Variants in JMY observed in about 807,000 individuals in gnomAD.
The protein encoded by JMY is junction mediating and regulatory protein, p53 cofactor.
In JMY, 46 loss-of-function variants were observed where a neutral mutation model predicts 103.3. The ratio of observed to expected loss-of-function variants is 0.45; its 90% CI spans 0.35 to 0.57. The LOEUF is 0.57. JMY is among the 20% of genes least tolerant of loss of function. The pLI is 0.00. For synonymous variants in JMY, 526 were observed against 489.3 expected (o/e 1.07, Z -0.99); for missense variants, 1,238 against 1,255.2 (o/e 0.99, Z 0.21).
intron 1 of JMY, among the ~76,000 whole-genome samples, chr5:79,258,104 G>A (rs979627273): frequency 1.3e-5 from 2 of 152,034 alleles, no homozygotes; most frequent in Non-Finnish European, 2.9e-5. Flanking sequence ...GAGTGTGTAT[G>A]TACATTTTAA....
chr5:79,290,841 C>G (rs1414884090), intron 3 of JMY, among the ~76,000 whole-genome samples: 1 of 152,060 alleles, frequency 6.6e-6, no homozygotes, highest in Non-Finnish European at 1.5e-5. Context: ...CAAAAATTAG[C>G]CGGGCATGGT....
intron 1 of JMY, among the ~76,000 whole-genome samples, chr5:79,260,137 G>A (rs112536103): frequency 0.013 from 1,956 of 152,316 alleles, 40 homozygotes; most frequent in African/African-American, 0.043. Flanking sequence ...TGAACCTGAC[G>A]CACCCAGGGC....
At chr5:79,251,678 C>A (rs1172207837) in intron 1 of JMY, among the ~76,000 whole-genome samples, 1 of 151,744 alleles carries the variant, frequency 6.6e-6, no homozygotes, top group Non-Finnish European at 1.5e-5. Context: ...AACTTCCTTC[C>A]TACCCTTCCC....
In JMY at chr5:79,311,376, A is replaced by C. The variant is rs1275199432; in HGVS notation, c.1969-1027A>C. ...GTTTATGATACAATCACCCAATGCA[A>C]ATGCAACAGTAATTCTCATTAGAAA... On this transcript the variant is annotated intron_variant, in intron 7 of 10. Coordinates refer to ENST00000396137, the MANE Select transcript of JMY (RefSeq NM_152405.5). Among the ~76,000 whole-genome samples, 9 of 152,140 alleles carry C rather than the reference A, an allele frequency of 5.9e-5. No individual in the cohort carries two copies. In the East Asian group the frequency reaches 1.7e-3, roughly 29 times the overall value.
intron 4 of JMY, among the ~76,000 whole-genome samples, chr5:79,293,016 T>C (rs1746467507): frequency 6.6e-6 from 1 of 152,160 alleles, no homozygotes; most frequent in Admixed American, 6.5e-5. Flanking sequence ...ACATTACTCA[T>C]GAGAAAGAGA....
At chr5:79,279,344 T>C (rs772064057) in intron 2 of JMY, among the ~76,000 whole-genome samples, 1 of 152,074 alleles carries the variant, frequency 6.6e-6, no homozygotes, top group African/African-American at 2.4e-5. Context: ...AAAAATAAAA[T>C]TAAATTTTTT....
chr5:79,259,787 T>G (rs1164948323), intron 1 of JMY, among the ~76,000 whole-genome samples: 1 of 152,144 alleles, frequency 6.6e-6, no homozygotes, highest in Non-Finnish European at 1.5e-5. Context: ...GTCCAGGCAG[T>G]GGGAGCAGAC....
intron 1 of JMY, among the ~76,000 whole-genome samples, chr5:79,242,751 A>G (rs1157656269): frequency 6.7e-6 from 1 of 149,010 alleles, no homozygotes; most frequent in African/African-American, 2.5e-5. Flanking sequence ...GGGGAGTGGT[A>G]TTATTTTAAA....
rs977955053 is a variant in JMY, at chr5:79,322,476, T to C, written c.*874T>C. On this transcript the variant is annotated 3_prime_UTR_variant, in exon 11 of 11. Transcript: ENST00000396137. ...TTGAGAATCAAAAATCAAGATTCAA[T>C]CATAGGGATGCAGATCTTAACTCTT... 2.0e-5 allele frequency: 3 copies of C among 152,212 alleles called. No homozygotes were observed. In the East Asian group the frequency reaches 5.8e-4, roughly 29 times the overall value. 9.4% of individuals were successfully genotyped at this position (152,212 alleles called of 1,614,324 possible).
intron 1 of JMY, among the ~76,000 whole-genome samples, chr5:79,244,649 T>C (rs1744834884): frequency 6.8e-6 from 1 of 147,114 alleles, no homozygotes; most frequent in Non-Finnish European, 1.5e-5. Flanking sequence ...GTTAAATGTA[T>C]GTGTGCCTAT....
Position 79,278,104 on chromosome 5 carries a change from ACT to A in JMY, c.1206+22_1206+23del, listed in dbSNP as rs755326098. ...TCAAGGTATTTTTTTATTAATCCTA[ACT>A]AGTAGCCTGCCTGTTTCATAGTTCT... On this transcript the variant is annotated intron_variant, in intron 2 of 10. Coordinates refer to ENST00000396137, the MANE Select transcript of JMY (RefSeq NM_152405.5). 1.9e-6 allele frequency: 3 copies of A among 1,581,804 alleles called. No homozygotes were observed. In the East Asian group the frequency reaches 6.8e-5, roughly 36 times the overall value.
At position 79,236,891 on chromosome 5, in the gene JMY, C is replaced by A; in HGVS notation, c.241C>A (p.Pro81Thr). The change falls in exon 1 of 11, where the codon CCC (proline) becomes ACC (threonine). Residue 81 changes from proline (P) to threonine (T), a missense_variant. Pro to Thr is a conservative substitution (Grantham distance 38). Coordinates refer to ENST00000396137, the MANE Select transcript of JMY (RefSeq NM_152405.5). ...AGCTGCGTCCGACGGGAGCCGCGGG[C>A]CCGGCAGCCCGGCGGGCAGGGGTCG... is the stretch of plus-strand genomic sequence containing the variant. ...GGAASDGSRG[P>T]GSPAGRGRPE... 1 of 1,361,320 alleles carries A rather than the reference C, an allele frequency of 7.3e-7. No homozygotes were observed. Among genetic ancestry groups the A allele is most frequent in the Non-Finnish European group, 9.4e-7 (1 of 1,060,984 alleles). 84.3% of individuals were successfully genotyped at this position (1,361,320 alleles called of 1,614,324 possible).
chr5:79,278,585 C>CAAAA (rs34278536), intron 2 of JMY, among the ~76,000 whole-genome samples: 2,736 of 57,290 alleles, frequency 0.048, 555 homozygotes, highest in African/African-American at 0.067. Context: ...CCCGTCTCTA[C>CAAAA]AAAAAAAAAA....
intron 1 of JMY, among the ~76,000 whole-genome samples, chr5:79,276,336 T>TC (rs1703588510): frequency 6.6e-6 from 1 of 152,078 alleles, no homozygotes; most frequent in African/African-American, 2.4e-5. Context: ...CCAAGACTGC[T>TC]CTCAAACTCC....
Position 79,314,884 on chromosome 5 carries a change from G to A in JMY, c.2659+33G>A, listed in dbSNP as rs375933045. ...AACATATTTTCATGGTCCATCTGTT[G>A]TATGACATCAGGCATAGTAAAAAAC... On this transcript the variant is annotated intron_variant, in intron 9 of 10. Transcript: ENST00000396137. 15 of 1,514,004 alleles carry A rather than the reference G, an allele frequency of 9.9e-6. No individual in the cohort carries two copies. In the African/African-American group the frequency reaches 2.0e-4, roughly 20 times the overall value. The allele number at this position is 1,514,004 out of a possible 1,614,324, so 93.8% of individuals were successfully genotyped here. A position where few individuals can be genotyped will look rare whatever the true frequency, so the allele number is the denominator to read the frequency against.
At chr5:79,298,113 G>A (rs1432019321) in intron 4 of JMY, among the ~76,000 whole-genome samples, 1 of 152,128 alleles carries the variant, frequency 6.6e-6, no homozygotes, top group East Asian at 1.9e-4. Flanking sequence ...AGTGCTAGGG[G>A]AAGAACTTAG....
At chr5:79,291,357 C>T in intron 4 of JMY, 58 bp downstream of exon 4, 1 of 1,432,636 alleles carries the variant, frequency 7.0e-7, no homozygotes, top group Non-Finnish European at 9.4e-7. Flanking sequence ...TCATTTTAAT[C>T]TTTGCACAAG....
At position 79,236,901 on chromosome 5, in the gene JMY, C is replaced by G. The variant is rs1436742480; in HGVS notation, c.251C>G (p.Pro84Arg). ...ASDGSRGPGSPAGRGRPEATA... is the reference protein window; with the variant it reads ...ASDGSRGPGSRAGRGRPEATA... Reference sequence around the variant, plus strand: ...GACGGGAGCCGCGGGCCCGGCAGCCCGGCGGGCAGGGGTCGGCCCGAGGCC... The same window carrying G: ...GACGGGAGCCGCGGGCCCGGCAGCCGGGCGGGCAGGGGTCGGCCCGAGGCC... The change falls in exon 1 of 11, where the codon CCG becomes CGG. Residue 84 changes from proline to arginine, a missense_variant. By Grantham distance (103) the Pro-to-Arg change is moderately radical. Coordinates refer to ENST00000396137, the MANE Select transcript of JMY (RefSeq NM_152405.5). 1 of 1,358,138 alleles carries G rather than the reference C, an allele frequency of 7.4e-7. No individual in the cohort carries two copies. The highest frequency in any genetic ancestry group is 9.4e-7 in the Non-Finnish European group (1 of 1,059,584). The allele number at this position is 1,358,138 out of a possible 1,614,324, so 84.1% of individuals were successfully genotyped here.
intron 4 of JMY, among the ~76,000 whole-genome samples, chr5:79,294,701 A>G (rs1006999779): frequency 1.3e-5 from 2 of 151,922 alleles, no homozygotes; most frequent in East Asian, 1.9e-4. Flanking sequence ...CACTAAAAAT[A>G]CCAAAAATTA....
Sources: gnomAD v4.1 joint callset for allele counts (sites outside exome capture counted in the v4.1 genomes callset) on GRCh38, gnomAD v4.1.1 for gene constraint, MANE v1.5 for transcripts, NCBI Gene and HGNC (gene_info 2026-07-23, HGNC 2026-07-21) for gene names.